Variants in PDPN observed in about 807,000 individuals in gnomAD.
PDPN encodes podoplanin.
In PDPN, 12 loss-of-function variants were observed where a neutral mutation model predicts 23.2. That is an observed-to-expected ratio of 0.52 (90% confidence interval 0.33 to 0.84). PDPN has a LOEUF of 0.84. Among genes scored for constraint, PDPN ranks in the 40% least tolerant of loss-of-function variants. The probability of loss-of-function intolerance (pLI) is 0.02; values close to 1 mark genes in which losing one functional copy is unlikely to be tolerated. For synonymous variants in PDPN, 77 were observed against 76.7 expected (o/e 1.00, Z -0.02); for missense variants, 199 against 212.2 (o/e 0.94, Z 0.39).
intron 1 of PDPN, among the ~76,000 whole-genome samples, chr1:13,584,708 G>T (rs1374750857): frequency 1.3e-5 from 2 of 152,232 alleles, no homozygotes; most frequent in Non-Finnish European, 2.9e-5. Flanking sequence ...GGAGGCTTCC[G>T]AGGAGTGTGA....
chr1:13,594,735 C>T (rs1245305929), intron 1 of PDPN, among the ~76,000 whole-genome samples: 1 of 151,998 alleles, frequency 6.6e-6, no homozygotes, highest in Non-Finnish European at 1.5e-5. Context: ...GCCTCTAATC[C>T]CAGCACTTTG....
intron 1 of PDPN, among the ~76,000 whole-genome samples, chr1:13,589,955 G>C (rs937823817): frequency 6.6e-6 from 1 of 152,138 alleles, no homozygotes; most frequent in Non-Finnish European, 1.5e-5. Context: ...AGCCTCCCTA[G>C]TAGCTGGGAT....
chr1:13,606,583 G>T (rs2788748), intron 1 of PDPN, among the ~76,000 whole-genome samples: 6 of 152,158 alleles, frequency 3.9e-5, no homozygotes, highest in Non-Finnish European at 4.4e-5. Flanking sequence ...CGGGAGGATC[G>T]CTTGAGCCCA....
At chr1:13,600,505 C>A (rs1438942567) in intron 1 of PDPN, among the ~76,000 whole-genome samples, 1 of 152,136 alleles carries the variant, frequency 6.6e-6, no homozygotes, top group African/African-American at 2.4e-5. Flanking sequence ...GCTGGGACTA[C>A]AGGCCTGCGC....
chr1:13,593,099 C>T (rs1246959179), intron 1 of PDPN, among the ~76,000 whole-genome samples: 1 of 152,030 alleles, frequency 6.6e-6, no homozygotes, highest in Non-Finnish European at 1.5e-5. Flanking sequence ...TAACTTGTCT[C>T]TTAGAGAAGA....
intron 1 of PDPN, among the ~76,000 whole-genome samples, chr1:13,593,934 A>T (rs1640421834): frequency 6.6e-6 from 1 of 152,186 alleles, no homozygotes; most frequent in Non-Finnish European, 1.5e-5. Context: ...AGTCTACAAA[A>T]CTGTGAACTC....
rs574982376 is a variant in PDPN at position 13,589,439 on chromosome 1, T to C, written c.67+5339T>C. Among the ~76,000 whole-genome samples the C allele has an allele frequency of 2.6e-4, 39 of 152,228 alleles. 1 individual carries two copies. Among genetic ancestry groups the C allele is most frequent in the Non-Finnish European group, 5.1e-4 (35 of 68,038 alleles). On this transcript the variant is annotated intron_variant, in intron 1 of 5. Transcript: ENST00000621990. The stretch of plus-strand genomic sequence containing the variant: ...AATCTGTAAAGCTACAGGATCTAGA[T>C]TCTGAATGGCTGGTGTTAATAGCGC...
intron 1 of PDPN, among the ~76,000 whole-genome samples, chr1:13,599,222 G>T (rs1279997698): frequency 6.6e-6 from 1 of 151,424 alleles, no homozygotes. Flanking sequence ...TGTTGGCCAG[G>T]ATGGTCTCGA....
intron 1 of PDPN, among the ~76,000 whole-genome samples, chr1:13,602,768 C>T (rs1640679855): frequency 6.6e-6 from 1 of 152,104 alleles, no homozygotes; most frequent in African/African-American, 2.4e-5. Context: ...GGGGTCTCAC[C>T]ATGTTGGCCA....
At chr1:13,608,440 T>G (rs2100270907) in intron 2 of PDPN, among the ~76,000 whole-genome samples, 1 of 152,290 alleles carries the variant, frequency 6.6e-6, no homozygotes, top group East Asian at 1.9e-4. Context: ...TAACTTTCTC[T>G]TTTTCTGCCA....
At chr1:13,592,591 C>A (rs1254703632) in intron 1 of PDPN, among the ~76,000 whole-genome samples, 1 of 147,592 alleles carries the variant, frequency 6.8e-6, no homozygotes, top group Admixed American at 6.8e-5. Flanking sequence ...CTCTTGTTAC[C>A]CAGGCTGGAG....
At chr1:13,588,194 G>A (rs748056160) in intron 1 of PDPN, among the ~76,000 whole-genome samples, 1 of 151,976 alleles carries the variant, frequency 6.6e-6, no homozygotes, top group Non-Finnish European at 1.5e-5. Flanking sequence ...CCCCCATCCA[G>A]AGAGGCCAGG....
At chr1:13,615,388 C>T (rs1320506972) in intron 5 of PDPN, among the ~76,000 whole-genome samples, 1 of 151,504 alleles carries the variant, frequency 6.6e-6, no homozygotes, top group Non-Finnish European at 1.5e-5. Context: ...CAGGTTCAAG[C>T]GATTCCCCTG....
In PDPN at chr1:13,610,391, C is replaced by T; in HGVS notation, c.206C>T (p.Ala69Val). The change falls in exon 3 of 6, where the codon GCA (alanine) becomes GTA (valine). Residue 69 changes from alanine to valine, a missense_variant. Coordinates refer to ENST00000621990, the MANE Select transcript of PDPN (RefSeq NM_006474.5). ...RYKSGLTTLVATSVNSVTGIR... is the reference protein window; with the variant it reads ...RYKSGLTTLVVTSVNSVTGIR... ...CCTCATTTACACCTACAATAGGTGGCAACAAGTGTCAACAGTGTAACAGGC... is the reference window on the plus strand; with the variant it reads ...CCTCATTTACACCTACAATAGGTGGTAACAAGTGTCAACAGTGTAACAGGC... 3 of 1,612,840 alleles carry T rather than the reference C, an allele frequency of 1.9e-6. No homozygotes were observed. The highest frequency in any genetic ancestry group is 2.5e-6 in the Non-Finnish European group (3 of 1,179,148).
chr1:13,583,788 C>A (rs1269836588), upstream of PDPN: 2 of 1,516,670 alleles, frequency 1.3e-6, no homozygotes, highest in African/African-American at 1.4e-5. Context: ...CGCTCCCCCG[C>A]CTCCTCGGGA....
intron 3 of PDPN, among the ~76,000 whole-genome samples, chr1:13,612,282 A>G (rs1290838814): frequency 6.6e-6 from 1 of 152,224 alleles, no homozygotes; most frequent in East Asian, 1.9e-4. Flanking sequence ...CCCAAATACG[A>G]TGACGTGCAC....
chr1:13,594,247 C>CA (rs1640430041), intron 1 of PDPN, among the ~76,000 whole-genome samples: 1 of 152,120 alleles, frequency 6.6e-6, no homozygotes, highest in African/African-American at 2.4e-5. Flanking sequence ...TAGTAAATGC[C>CA]AAAATGTTAT....
In PDPN at chr1:13,617,415, T is replaced by A. The variant is rs1338136222; in HGVS notation, c.*1504T>A. 1 of 152,208 alleles carries A rather than the reference T, an allele frequency of 6.6e-6. No individual in the cohort carries two copies. Among genetic ancestry groups the A allele is most frequent in the Non-Finnish European group, 1.5e-5 (1 of 68,054 alleles). 9.4% of individuals were successfully genotyped at this position (152,208 alleles called of 1,614,324 possible). ...ATTCCATTTTTTTTGTGTGTGTGTG[T>A]GAAACGTAGTCTGCAACTCTGCCTC... On this transcript the variant is annotated 3_prime_UTR_variant, in exon 6 of 6. Coordinates refer to ENST00000621990, the MANE Select transcript of PDPN (RefSeq NM_006474.5).
chr1:13,596,297 G>C (rs1006425976), intron 1 of PDPN, among the ~76,000 whole-genome samples: 2 of 152,116 alleles, frequency 1.3e-5, no homozygotes, highest in African/African-American at 4.8e-5. Context: ...CCAGACTCTA[G>C]GAATCTATGG....
Sources: gnomAD v4.1 joint callset for allele counts (sites outside exome capture counted in the v4.1 genomes callset) on GRCh38, gnomAD v4.1.1 for gene constraint, MANE v1.5 for transcripts, NCBI Gene and HGNC (gene_info 2026-07-23, HGNC 2026-07-21) for gene names.